Variants in UBAP2 observed in about 807,000 individuals in gnomAD.
UBAP2 encodes the protein ubiquitin associated protein 2, also known as ubiquitin-associated protein 2.
Under a neutral mutation model 139.6 loss-of-function variants are expected in UBAP2, and 75 were observed. The ratio of observed to expected loss-of-function variants is 0.54; its 90% CI spans 0.45 to 0.65. The LOEUF (loss-of-function observed/expected upper bound fraction) is 0.65. Ranked by LOEUF, UBAP2 falls within the 30% of genes least tolerant of loss-of-function variation. The probability of loss-of-function intolerance (pLI) is 0.00; values close to 1 mark genes in which losing one functional copy is unlikely to be tolerated. For synonymous variants in UBAP2, 526 were observed against 526.2 expected (o/e 1.00, Z 0.01); for missense variants, 1,368 against 1,369.6 (o/e 1.00, Z 0.02).
chr9:34,044,582 A>C (rs563107249), intron 1 of UBAP2, among the ~76,000 whole-genome samples: 53 of 150,506 alleles, frequency 3.5e-4, no homozygotes, highest in Admixed American at 4.6e-4. Flanking sequence ...ATAAAAGAAG[A>C]AGCCAGGTGT....
intron 17 of UBAP2, 44 bp downstream of exon 17, chr9:33,935,795 G>C (rs766113919): frequency 6.2e-7 from 1 of 1,611,062 alleles, no homozygotes; most frequent in South Asian, 1.1e-5. Context: ...TCCTCTGTTT[G>C]GTTGGCACCA....
At chr9:33,926,157 CCACT>C (rs1823409815) in intron 22 of UBAP2, among the ~76,000 whole-genome samples, 2 of 152,170 alleles carry the variant, frequency 1.3e-5, no homozygotes, top group African/African-American at 4.8e-5. Context: ...TCAGCTCAAG[CCACT>C]CACTCAGCTG....
chr9:33,958,970 GA>G (rs1826799466), intron 10 of UBAP2, among the ~76,000 whole-genome samples: 1 of 151,408 alleles, frequency 6.6e-6, no homozygotes. Context: ...CCAACATGGT[GA>G]AACCCCGTCT....
chr9:34,039,886 C>G (rs931655706), intron 1 of UBAP2, among the ~76,000 whole-genome samples: 2 of 148,366 alleles, frequency 1.3e-5, no homozygotes, highest in Admixed American at 1.4e-4. Context: ...AAGCCGCACA[C>G]GGTGGCTCAC....
chr9:33,955,202 C>G (rs1269369764), intron 11 of UBAP2, among the ~76,000 whole-genome samples: 1 of 150,642 alleles, frequency 6.6e-6, no homozygotes, highest in Non-Finnish European at 1.5e-5. Flanking sequence ...AAAAACAGGT[C>G]TACAAAAGTG....
intron 6 of UBAP2, among the ~76,000 whole-genome samples, chr9:33,983,183 A>G (rs1820921001): frequency 6.6e-6 from 1 of 152,010 alleles, no homozygotes; most frequent in Non-Finnish European, 1.5e-5. Flanking sequence ...CGGCCCCCCT[A>G]TAATGTGTTT....
At chr9:33,996,385 A>G (rs761435802) in intron 3 of UBAP2, 52 bp from the exon 4 acceptor site, 1 of 1,177,296 alleles carries the variant, frequency 8.5e-7, no homozygotes, top group East Asian at 2.3e-5. Context: ...CTGGCACTTG[A>G]TATTAAGATT....
intron 8 of UBAP2, among the ~76,000 whole-genome samples, chr9:33,966,698 G>GT (rs1483121082): frequency 2.0e-5 from 3 of 151,894 alleles, no homozygotes; most frequent in African/African-American, 4.8e-5. Flanking sequence ...ACTATTTCTT[G>GT]TTTTTTTGGT....
intron 2 of UBAP2, among the ~76,000 whole-genome samples, chr9:34,016,409 T>A (rs1241428164): frequency 7.3e-6 from 1 of 137,688 alleles, no homozygotes; most frequent in Non-Finnish European, 1.6e-5. Context: ...GTGGTGGTGG[T>A]GGTGGCAGTG....
At position 33,922,335 on chromosome 9, in the gene UBAP2, C is replaced by A. The variant is rs548897148; in HGVS notation, c.*169G>T. On this transcript the variant is annotated 3_prime_UTR_variant, in exon 29 of 29. Transcript: ENST00000379238. ...CTTCTATCACATTTACAAATACATA[C>A]ATAAATACATTACATACAGTAGCCA... 1.8e-4 allele frequency: 120 copies of A among 675,092 alleles called. No homozygotes were observed. Among genetic ancestry groups the A allele is most frequent in the Non-Finnish European group, 2.9e-4 (111 of 387,998 alleles). The allele number at this position is 675,092 out of a possible 1,614,324, so 41.8% of individuals were successfully genotyped here. A position where few individuals can be genotyped will look rare whatever the true frequency, so the allele number is the denominator to read the frequency against.
chr9:33,952,488 T>C (rs773007659), intron 12 of UBAP2, among the ~76,000 whole-genome samples: 10 of 152,284 alleles, frequency 6.6e-5, no homozygotes, highest in Non-Finnish European at 1.3e-4. Context: ...TTTGGCATTT[T>C]AAGAAAATGT....
At chr9:33,979,153 G>T (rs1820416026) in intron 6 of UBAP2, among the ~76,000 whole-genome samples, 1 of 152,148 alleles carries the variant, frequency 6.6e-6, no homozygotes, top group South Asian at 2.1e-4. Flanking sequence ...CAGGAGTATT[G>T]CTTGAACGTA....
intron 2 of UBAP2, among the ~76,000 whole-genome samples, chr9:34,012,545 AT>A (rs1554690441): frequency 1.3e-5 from 2 of 148,334 alleles, no homozygotes; most frequent in Non-Finnish European, 3.0e-5. Flanking sequence ...AAAAAAAGGC[AT>A]TATGAGGACC....
At chr9:33,975,300 C>T (rs56232546) in intron 6 of UBAP2, among the ~76,000 whole-genome samples, 25 of 151,752 alleles carry the variant, frequency 1.6e-4, no homozygotes, top group South Asian at 4.2e-4. Flanking sequence ...GGCGTGGTGG[C>T]GCGCGCCAGT....
chr9:33,924,866 A>T (rs1214549376), intron 22 of UBAP2, among the ~76,000 whole-genome samples: 3 of 152,232 alleles, frequency 2.0e-5, no homozygotes, highest in Non-Finnish European at 4.4e-5. Context: ...GGCCCAACAC[A>T]AATTCGTCTT....
At chr9:34,006,992 T>C (rs995323975) in intron 2 of UBAP2, among the ~76,000 whole-genome samples, 2 of 152,202 alleles carry the variant, frequency 1.3e-5, no homozygotes, top group Non-Finnish European at 2.9e-5. Flanking sequence ...GCTGTTGATA[T>C]ATATAAAGGC....
chr9:34,014,241 C>A (rs961309878), intron 2 of UBAP2, among the ~76,000 whole-genome samples: 1 of 146,222 alleles, frequency 6.8e-6, no homozygotes, highest in Non-Finnish European at 1.5e-5. Flanking sequence ...ACAGGAGAAT[C>A]GCCTGAACCC....
In UBAP2 at chr9:33,921,783, T is replaced by C. The variant is rs967189112; in HGVS notation, c.*721A>G. The C allele has an allele frequency of 6.6e-6, 1 of 152,530 alleles. No homozygotes were observed. The highest frequency in any genetic ancestry group is 1.5e-5 in the Non-Finnish European group (1 of 68,028). The allele number at this position is 152,530 out of a possible 1,614,324, so 9.4% of individuals were successfully genotyped here. A position where few individuals can be genotyped will look rare whatever the true frequency, so the allele number is the denominator to read the frequency against. On this transcript the variant is annotated 3_prime_UTR_variant, in exon 29 of 29. Coordinates refer to ENST00000379238, the MANE Select transcript of UBAP2 (RefSeq NM_001370062.2). ...TGGTTCAAGACAACTAGAATGGAGA[T>C]GTGTTGCTTGGAGATACCTTAGATT...
chr9:34,024,917 G>A (rs1188617751), intron 1 of UBAP2, among the ~76,000 whole-genome samples: 1 of 151,998 alleles, frequency 6.6e-6, no homozygotes, highest in African/African-American at 2.4e-5. Context: ...CCGAGAGGCG[G>A]AGGTTGCAGT....
Sources: allele counts gnomAD v4.1 joint callset (sites outside exome capture counted in the v4.1 genomes callset), GRCh38; gene constraint gnomAD v4.1.1; transcripts MANE v1.5; gene names NCBI Gene and HGNC (gene_info 2026-07-23, HGNC 2026-07-21).